Variants in PPFIBP1 observed in about 807,000 individuals in gnomAD.
PPFIBP1 encodes PPFIB scaffold protein 1.
A neutral mutation model predicts 137.8 loss-of-function variants in PPFIBP1; 112 were observed. That is an observed-to-expected ratio of 0.81 (90% CI 0.70 to 0.95). The LOEUF is 0.95. PPFIBP1 is among the 40% of genes least tolerant of loss of function. The probability of loss-of-function intolerance (pLI) is 0.00; values close to 1 mark genes in which losing one functional copy is unlikely to be tolerated. For missense variants in PPFIBP1, 1,083 were observed against 1,196.6 expected (o/e 0.91, Z 1.40); for synonymous variants, 378 against 417.3 (o/e 0.91, Z 1.15).
Position 27,692,635 on chromosome 12 carries a change from T to C in PPFIBP1, c.2910T>C (p.Ser970=). ...EGTVRQIGAF[S]EGINNLTHML... is the part of the protein sequence containing the mutation. ...CAGTGAGACAGATAGGTGCATTCTC[T>C]GAAGGCATCAACAATCTGACGGTGA... is the stretch of plus-strand genomic sequence containing the variant. The change falls in exon 29 of 30, where the codon TCT becomes TCC. Residue 970 remains serine (S), a synonymous_variant. Transcript: ENST00000228425. The C allele has an allele frequency of 1.2e-6, 2 of 1,614,162 alleles. No individual in the cohort carries two copies. The highest frequency in any genetic ancestry group is 1.7e-6 in the Non-Finnish European group (2 of 1,179,984).
At chr12:27,678,881 A>AAAAAAAAAAAAAAAAC (rs2060707182) in intron 19 of PPFIBP1, among the ~76,000 whole-genome samples, 55 of 143,218 alleles carry the variant, frequency 3.8e-4, no homozygotes, top group African/African-American at 1.5e-3. Flanking sequence ...AAAAAAAAAA[A>AAAAAAAAAAAAAAAAC]CATTTAAGAG....
chr12:27,547,331 G>A (rs1946330113), intron 1 of PPFIBP1: 1 of 152,162 alleles, frequency 6.6e-6, no homozygotes, highest in South Asian at 2.1e-4. Context: ...TGTTGACTGG[G>A]TTGGTGTTCA....
intron 1 of PPFIBP1, among the ~76,000 whole-genome samples, chr12:27,569,171 G>A (rs560217121): frequency 6.6e-6 from 1 of 152,312 alleles, no homozygotes; most frequent in South Asian, 2.1e-4. Flanking sequence ...CTAATTTGAT[G>A]TTGATTTTTC....
At chr12:27,676,915 G>C (rs2060549798) in intron 18 of PPFIBP1, 149 bp from the exon 19 acceptor site, 2 of 959,288 alleles carry the variant, frequency 2.1e-6, no homozygotes, top group Non-Finnish European at 3.3e-6. Flanking sequence ...TTGAGCCTGT[G>C]TGTAACATCA....
intron 18 of PPFIBP1, 188 bp from the exon 19 acceptor site, chr12:27,676,876 T>C (rs2060545835): frequency 1.3e-6 from 1 of 797,306 alleles, no homozygotes; most frequent in African/African-American, 1.7e-5. Flanking sequence ...TTCCCATCTG[T>C]TGTGATAGTG....
intron 1 of PPFIBP1, among the ~76,000 whole-genome samples, chr12:27,538,821 A>G (rs1201382428): frequency 6.6e-6 from 1 of 152,228 alleles, no homozygotes; most frequent in East Asian, 1.9e-4. Context: ...CTGGAGTTAG[A>G]TGGACCTCAT....
intron 21 of PPFIBP1, among the ~76,000 whole-genome samples, chr12:27,680,643 A>G (rs1374151620): frequency 6.6e-6 from 1 of 152,240 alleles, no homozygotes; most frequent in Non-Finnish European, 1.5e-5. Context: ...CAAAAATGCT[A>G]TCAGAATCCT....
chr12:27,678,788 C>G (rs867988681), intron 19 of PPFIBP1, among the ~76,000 whole-genome samples: 1 of 140,078 alleles, frequency 7.1e-6, no homozygotes, highest in East Asian at 2.2e-4. Flanking sequence ...ACCCAGTAGG[C>G]GGAGGTTGCA....
chr12:27,636,099 C>T (rs1350794317), intron 4 of PPFIBP1: 1 of 152,162 alleles, frequency 6.6e-6, no homozygotes, highest in Non-Finnish European at 1.5e-5. Flanking sequence ...CTTAAGAGTA[C>T]ATCCTACAGC....
chr12:27,526,200 G>T (rs182260245), intron 1 of PPFIBP1, among the ~76,000 whole-genome samples: 1 of 152,276 alleles, frequency 6.6e-6, no homozygotes, highest in Non-Finnish European at 1.5e-5. Context: ...CAAAAGATGG[G>T]GCTGCAAAAG....
intron 4 of PPFIBP1, chr12:27,635,713 T>TA (rs11306030): frequency 1.8e-4 from 27 of 150,926 alleles, no homozygotes; most frequent in South Asian, 1.0e-3. Flanking sequence ...AGGTCTCATT[T>TA]AAAAAAAAAA....
At chr12:27,679,884 C>A in intron 20 of PPFIBP1, 49 bp from the exon 21 acceptor site, 1 of 1,606,332 alleles carries the variant, frequency 6.2e-7, no homozygotes, top group Non-Finnish European at 8.5e-7. Context: ...ATTAACAAGT[C>A]TAAGGCCTCC....
At chr12:27,690,568 A>G (rs2061471325) in intron 27 of PPFIBP1, among the ~76,000 whole-genome samples, 1 of 152,226 alleles carries the variant, frequency 6.6e-6, no homozygotes, top group Non-Finnish European at 1.5e-5. Flanking sequence ...AGCTATGAGC[A>G]TGCTACTGCA....
chr12:27,626,817 C>T (rs2056858936), intron 2 of PPFIBP1, among the ~76,000 whole-genome samples: 2 of 152,136 alleles, frequency 1.3e-5, no homozygotes, highest in Admixed American at 6.6e-5. Flanking sequence ...CTGCCCACCT[C>T]AGCTTCCCAA....
chr12:27,660,011 T>G (rs1382699869), intron 10 of PPFIBP1, among the ~76,000 whole-genome samples: 1 of 152,244 alleles, frequency 6.6e-6, no homozygotes, highest in East Asian at 1.9e-4. Context: ...GATTTTTTTT[T>G]TCCTGTTTGA....
chr12:27,660,465 A>G (rs1444646976), intron 10 of PPFIBP1, among the ~76,000 whole-genome samples: 1 of 152,228 alleles, frequency 6.6e-6, no homozygotes, highest in Non-Finnish European at 1.5e-5. Flanking sequence ...TCATGCCTCT[A>G]TCTTGGTTAT....
At chr12:27,639,691 G>A (rs1389995587) in intron 4 of PPFIBP1, among the ~76,000 whole-genome samples, 5 of 152,210 alleles carry the variant, frequency 3.3e-5, no homozygotes, top group Admixed American at 3.3e-4. Context: ...GAGGTGTTCT[G>A]GACTGGCTTC....
At chr12:27,653,352 G>A (rs1488993576) in intron 7 of PPFIBP1, among the ~76,000 whole-genome samples, 2 of 152,026 alleles carry the variant, frequency 1.3e-5, no homozygotes, top group South Asian at 2.1e-4. Context: ...TAGGGAGTCC[G>A]AGGAGGGCGG....
At position 27,581,379 on chromosome 12, in the gene PPFIBP1, G is replaced by A. The variant is rs1282222724; in HGVS notation, c.-36+3140G>A. 2.0e-5 allele frequency among the ~76,000 whole-genome samples: 3 copies of A among 152,198 alleles called. No homozygotes were observed. The East Asian group carries it at 5.8e-4, about 29-fold the overall frequency. ...ATGGGCCCAGGTACAAGAATGAGGT[G>A]GGAGCCACTTGTCCAGCTTCATCTC... is the stretch of plus-strand genomic sequence containing the variant. On this transcript the variant is annotated intron_variant, in intron 2 of 29. Transcript: ENST00000228425.
Sources: allele counts gnomAD v4.1 joint callset (sites outside exome capture counted in the v4.1 genomes callset), GRCh38; gene constraint gnomAD v4.1.1; transcripts MANE v1.5; gene names NCBI Gene and HGNC (gene_info 2026-07-23, HGNC 2026-07-21).